The following FRMD4B variants were observed in gnomAD, a reference collection of about 807,000 sequenced individuals.
FRMD4B encodes FERM domain-containing protein 4B.
Under a neutral mutation model 141.5 loss-of-function variants are expected in FRMD4B, and 74 were observed. The ratio of observed to expected loss-of-function variants is 0.52; its 90% CI spans 0.43 to 0.63. FRMD4B has a LOEUF of 0.63. FRMD4B is among the 30% of genes least tolerant of loss of function. The pLI is 0.00. For synonymous variants in FRMD4B, 506 were observed against 467.9 expected, an observed-to-expected ratio of 1.08 and a Z score of -1.05; for missense variants, 1,366 against 1,253.4, an observed-to-expected ratio of 1.09 and a Z score of -1.36.
chr3:69,318,321 A>T (rs913106706), intron 1 of FRMD4B, among the ~76,000 whole-genome samples: 1 of 152,116 alleles, frequency 6.6e-6, no homozygotes, highest in Non-Finnish European at 1.5e-5. Flanking sequence ...GACTCCACAA[A>T]TTTCCATGCC....
intron 5 of FRMD4B, among the ~76,000 whole-genome samples, chr3:69,264,392 A>G (rs759301287): frequency 3.3e-5 from 5 of 151,918 alleles, no homozygotes; most frequent in African/African-American, 4.8e-5. Flanking sequence ...CTGAAAGAGT[A>G]ATGAAGTAAA....
chr3:69,400,072 A>C (rs879772828), intron 2 of FRMD4B, among the ~76,000 whole-genome samples: 1 of 152,124 alleles, frequency 6.6e-6, no homozygotes, highest in Admixed American at 6.5e-5. Context: ...ACCCTACAAA[A>C]GGAAAGTCTT....
At chr3:69,191,205 G>A (rs530691084) in intron 17 of FRMD4B, among the ~76,000 whole-genome samples, 1 of 152,224 alleles carries the variant, frequency 6.6e-6, no homozygotes, top group East Asian at 1.9e-4. Context: ...TATCACTTGA[G>A]GGTCAGGAGT....
intron 1 of FRMD4B, among the ~76,000 whole-genome samples, chr3:69,474,849 A>C (rs1247158469): frequency 1.3e-5 from 2 of 152,160 alleles, no homozygotes; most frequent in Non-Finnish European, 2.9e-5. Flanking sequence ...ACAACCCCTT[A>C]AACCAGGGAT....
At chr3:69,279,322 G>A (rs557392733) in intron 5 of FRMD4B, among the ~76,000 whole-genome samples, 1 of 152,282 alleles carries the variant, frequency 6.6e-6, no homozygotes, top group Non-Finnish European at 1.5e-5. Context: ...AACTATTCAA[G>A]CTTGGCCAAA....
chr3:69,326,119 ATTTTT>A (rs371350022), intron 1 of FRMD4B, among the ~76,000 whole-genome samples: 1 of 133,714 alleles, frequency 7.5e-6, no homozygotes. Context: ...TGGCTAATCA[ATTTTT>A]TTTTTTTTTT....
At chr3:69,414,014 C>A (rs1704806923) in intron 2 of FRMD4B, among the ~76,000 whole-genome samples, 1 of 152,068 alleles carries the variant, frequency 6.6e-6, no homozygotes, top group Non-Finnish European at 1.5e-5. Flanking sequence ...TTTATTCTTA[C>A]TAAGGATGAT....
chr3:69,430,800 A>G lies in FRMD4B; in HGVS notation c.-1+1834T>C, dbSNP rs1449560834. On this transcript the variant is annotated intron_variant, in intron 2 of 5. Coordinates refer to the FRMD4B transcript ENST00000459638. ...GCATCCTCTCTTAAACCTACTTCAA[A>G]TAATCAAGTTCAGCACCTATCAGAC... Among the ~76,000 whole-genome samples the G allele has an allele frequency of 2.6e-5, 4 of 152,194 alleles. No homozygotes were observed. The East Asian group carries it at 7.7e-4, about 29-fold the overall frequency.
rs1172470165 is a variant in FRMD4B, at chr3:69,230,214, G to A, written c.582-5524C>T. On this transcript the variant is annotated intron_variant, in intron 7 of 22. Coordinates refer to ENST00000398540, the MANE Select transcript of FRMD4B (RefSeq NM_015123.3). The stretch of plus-strand genomic sequence containing the variant: ...GCTGATCTTGAACTCCTGACCTCGT[G>A]ATCCACCTGCCTTGGCCTCCCAAAG... Among the ~76,000 whole-genome samples, 4 of 151,892 alleles carry A rather than the reference G, an allele frequency of 2.6e-5. No individual in the cohort carries two copies. In the South Asian group the frequency reaches 8.3e-4, roughly 32 times the overall value.
chr3:69,187,568 CAT>C (rs1202156398), intron 19 of FRMD4B, among the ~76,000 whole-genome samples, 200 bp downstream of exon 19: 20 of 143,738 alleles, frequency 1.4e-4, no homozygotes, highest in African/African-American at 2.5e-4. Context: ...TATATATATA[CAT>C]ATATATATAT....
At chr3:69,204,658 T>TTTCCA (rs1276896572) in intron 11 of FRMD4B, among the ~76,000 whole-genome samples, 3 of 152,252 alleles carry the variant, frequency 2.0e-5, no homozygotes, top group Non-Finnish European at 4.4e-5. Flanking sequence ...ATCTACCTTC[T>TTTCCA]TTCCATCAAA....
chr3:69,273,958 A>G (rs1259633614), intron 5 of FRMD4B, among the ~76,000 whole-genome samples: 1 of 152,154 alleles, frequency 6.6e-6, no homozygotes, highest in Non-Finnish European at 1.5e-5. Flanking sequence ...GGCAGAGACT[A>G]GAGCTGAATT....
chr3:69,455,269 G>A (rs1705576145), intron 1 of FRMD4B, among the ~76,000 whole-genome samples: 1 of 152,248 alleles, frequency 6.6e-6, no homozygotes, highest in African/African-American at 2.4e-5. Context: ...GGCCACAGCA[G>A]TGATAGGTTC....
chr3:69,485,174 T>C (rs7355826), intron 1 of FRMD4B, among the ~76,000 whole-genome samples: 93,103 of 152,144 alleles, frequency 0.61, 29,175 homozygotes, highest in African/African-American at 0.74. Flanking sequence ...TCAGCACTGC[T>C]CTGTGGGTGC....
intron 1 of FRMD4B, among the ~76,000 whole-genome samples, chr3:69,357,523 T>G (rs1703356618): frequency 6.6e-6 from 1 of 152,248 alleles, no homozygotes; most frequent in Non-Finnish European, 1.5e-5. Flanking sequence ...ACATATGTAT[T>G]GGTGACTTTG....
intron 11 of FRMD4B, among the ~76,000 whole-genome samples, chr3:69,207,662 G>T (rs1383740501): frequency 6.6e-6 from 1 of 152,068 alleles, no homozygotes; most frequent in African/African-American, 2.4e-5. Flanking sequence ...ACAAAAATTA[G>T]CTGGGCGTGG....
At position 69,456,088 on chromosome 3, in the gene FRMD4B, T is replaced by A. The variant is rs74469620; in HGVS notation, c.-128-23327A>T. Among the ~76,000 whole-genome samples, 4 of 152,320 alleles carry A rather than the reference T, an allele frequency of 2.6e-5. No homozygotes were observed. In the East Asian group the frequency reaches 5.8e-4, roughly 22 times the overall value. On this transcript the variant is annotated intron_variant, in intron 1 of 5. Coordinates refer to the FRMD4B transcript ENST00000459638. ...GTGCCGAGTATCTCTAAAGAACTTGTGAGCTTTCCATCACTTATATAGGGA... is the reference window on the plus strand; with the variant it reads ...GTGCCGAGTATCTCTAAAGAACTTGAGAGCTTTCCATCACTTATATAGGGA...
At chr3:69,193,474 C>T (rs558098907) in intron 17 of FRMD4B, among the ~76,000 whole-genome samples, 174 bp downstream of exon 17, 1 of 152,228 alleles carries the variant, frequency 6.6e-6, no homozygotes, top group African/African-American at 2.4e-5. Flanking sequence ...CCCCATTGCA[C>T]TCCAGCCTGG....
chr3:69,527,791 A>G (rs547191439), intron 1 of FRMD4B, among the ~76,000 whole-genome samples: 28 of 152,330 alleles, frequency 1.8e-4, no homozygotes, highest in African/African-American at 5.1e-4. Context: ...TCACCCAATT[A>G]GAATACAAAT....
Sources: gnomAD v4.1 joint callset for allele counts (sites outside exome capture counted in the v4.1 genomes callset) on GRCh38, gnomAD v4.1.1 for gene constraint, MANE v1.5 for transcripts, NCBI Gene and HGNC (gene_info 2026-07-23, HGNC 2026-07-21) for gene names.